The following SUPT3H variants were observed in gnomAD, a reference collection of about 807,000 sequenced individuals.
SUPT3H encodes SPT3 homolog, SAGA and STAGA complex component.
In SUPT3H, 44 loss-of-function variants were observed where a neutral mutation model predicts 44.3. The ratio of observed to expected loss-of-function variants is 0.99; its 90% confidence interval spans 0.78 to 1.28. The LOEUF (loss-of-function observed/expected upper bound fraction) is 1.28, where lower values mean the gene tolerates loss of function less well. Among genes scored for constraint, SUPT3H ranks in the 50% most tolerant of loss-of-function variants. The probability of loss-of-function intolerance (pLI) is 0.00; values close to 1 mark genes in which losing one functional copy is unlikely to be tolerated. For missense variants in SUPT3H, 380 were observed against 387.1 expected (o/e 0.98, Z 0.15); for synonymous variants, 124 against 125.6 (o/e 0.99, Z 0.09).
downstream of SUPT3H, among the ~76,000 whole-genome samples, chr6:44,822,479 T>G (rs1767394817): frequency 6.6e-6 from 1 of 152,244 alleles, no homozygotes; most frequent in African/African-American, 2.4e-5. Context: ...AAAATAGTCC[T>G]ACTAGTTTGT....
chr6:45,198,290 T>A (rs1234909819), intron 2 of SUPT3H, among the ~76,000 whole-genome samples: 1 of 151,416 alleles, frequency 6.6e-6, no homozygotes, highest in East Asian at 1.9e-4. Context: ...CTGAGTGTCA[T>A]TTTGTATTCA....
At chr6:45,038,759 T>C (rs1034398358) in intron 3 of SUPT3H, among the ~76,000 whole-genome samples, 1 of 152,064 alleles carries the variant, frequency 6.6e-6, no homozygotes, top group African/African-American at 2.4e-5. Context: ...CATACACAAT[T>C]TGAAGGAAAT....
chr6:44,957,990 C>T (rs1207177218), intron 7 of SUPT3H, among the ~76,000 whole-genome samples: 1 of 152,084 alleles, frequency 6.6e-6, no homozygotes, highest in Non-Finnish European at 1.5e-5. Context: ...AAAAGAGGCA[C>T]AGATACCTGT....
intron 6 of SUPT3H, among the ~76,000 whole-genome samples, chr6:44,984,309 G>A (rs761038085): frequency 6.6e-6 from 1 of 152,136 alleles, no homozygotes; most frequent in Non-Finnish European, 1.5e-5. Context: ...CTGGTGGCAT[G>A]TAACCCTCTA....
intron 2 of SUPT3H, among the ~76,000 whole-genome samples, chr6:45,285,207 A>G (rs992065488): frequency 2.7e-5 from 4 of 150,626 alleles, no homozygotes; most frequent in African/African-American, 9.8e-5. Context: ...CTCTCTCACC[A>G]CTCCTATTCA....
intron 2 of SUPT3H, among the ~76,000 whole-genome samples, chr6:45,174,601 C>G (rs988708054): frequency 5.3e-5 from 8 of 152,130 alleles, no homozygotes; most frequent in Non-Finnish European, 1.2e-4. Context: ...ACAGCTTTCA[C>G]TTTTATGAGC....
intron 3 of SUPT3H, among the ~76,000 whole-genome samples, chr6:45,080,164 A>C (rs1795593076): frequency 6.6e-6 from 1 of 152,230 alleles, no homozygotes. Flanking sequence ...TTCTCAAAAG[A>C]AGACAAACAG....
intron 9 of SUPT3H, among the ~76,000 whole-genome samples, chr6:44,940,900 T>C (rs1406833905): frequency 6.6e-6 from 1 of 152,160 alleles, no homozygotes; most frequent in Non-Finnish European, 1.5e-5. Context: ...GCTTTATATC[T>C]GCATGAAATG....
chr6:44,972,772 C>T (rs888659062), intron 6 of SUPT3H, among the ~76,000 whole-genome samples: 10 of 152,186 alleles, frequency 6.6e-5, no homozygotes, highest in African/African-American at 2.4e-4. Flanking sequence ...GACTCAACAC[C>T]ATGTGGAAGC....
intron 4 of SUPT3H, among the ~76,000 whole-genome samples, chr6:45,017,443 T>C (rs1368182522): frequency 6.6e-6 from 1 of 151,636 alleles, no homozygotes; most frequent in Non-Finnish European, 1.5e-5. Flanking sequence ...TGAATGGTAA[T>C]GCCTAGGTTT....
intron 2 of SUPT3H, among the ~76,000 whole-genome samples, chr6:45,130,496 G>A (rs757678969): frequency 6.6e-6 from 1 of 151,718 alleles, no homozygotes; most frequent in Non-Finnish European, 1.5e-5. Context: ...ATTTGTATAC[G>A]AGTTTATTCC....
chr6:45,300,302 C>T (rs371068066), intron 2 of SUPT3H, among the ~76,000 whole-genome samples: 69 of 152,212 alleles, frequency 4.5e-4, no homozygotes, highest in Middle Eastern at 3.4e-3. Flanking sequence ...CTTTGTAATA[C>T]GCCAAAAGTT....
chr6:45,349,970 G>T (rs903455075), intron 2 of SUPT3H, among the ~76,000 whole-genome samples: 5 of 151,918 alleles, frequency 3.3e-5, no homozygotes, highest in Admixed American at 6.6e-5. Flanking sequence ...GTTTTCAAAG[G>T]TTTTATTAGT....
At chr6:45,200,680 C>T (rs7738526) in intron 2 of SUPT3H, among the ~76,000 whole-genome samples, 1 of 151,046 alleles carries the variant, frequency 6.6e-6, no homozygotes, top group Non-Finnish European at 1.5e-5. Context: ...AGAAGTCACA[C>T]AGTTATTAAG....
chr6:44,859,046 G>C (rs1360070794), intron 10 of SUPT3H, among the ~76,000 whole-genome samples: 2 of 152,178 alleles, frequency 1.3e-5, no homozygotes, highest in Non-Finnish European at 2.9e-5. Context: ...GGGCCTTTCA[G>C]AGTTTGCATT....
chr6:45,361,877 C>T (rs1197967769), intron 2 of SUPT3H, among the ~76,000 whole-genome samples: 1 of 152,080 alleles, frequency 6.6e-6, no homozygotes, highest in African/African-American at 2.4e-5. Flanking sequence ...ATGGTGAAAC[C>T]CCATCTCTAC....
chr6:45,226,144 A>C (rs979646007), intron 2 of SUPT3H, among the ~76,000 whole-genome samples: 1 of 152,086 alleles, frequency 6.6e-6, no homozygotes, highest in African/African-American at 2.4e-5. Flanking sequence ...TAATCCTATA[A>C]TTTTACAGCA....
At chr6:45,246,907 T>C (rs1163917775) in intron 2 of SUPT3H, among the ~76,000 whole-genome samples, 1 of 152,058 alleles carries the variant, frequency 6.6e-6, no homozygotes, top group Non-Finnish European at 1.5e-5. Context: ...AACCAAACCT[T>C]CCCTCTTAAG....
At chr6:45,144,708 G>A (rs1201529134) in intron 2 of SUPT3H, among the ~76,000 whole-genome samples, 9 of 151,968 alleles carry the variant, frequency 5.9e-5, no homozygotes. Context: ...TAAAGAGGAA[G>A]TCAAACTCTC....
Sources: gnomAD v4.1 joint callset for allele counts (sites outside exome capture counted in the v4.1 genomes callset) on GRCh38, gnomAD v4.1.1 for gene constraint, MANE v1.5 for transcripts, NCBI Gene and HGNC (gene_info 2026-07-23, HGNC 2026-07-21) for gene names.